The following GRIP1 variants were observed in gnomAD, a reference collection of about 807,000 sequenced individuals.
The protein encoded by GRIP1 is glutamate receptor-interacting protein 1.
In GRIP1, 45 loss-of-function variants were observed where a neutral mutation model predicts 129.9. That is an observed-to-expected ratio of 0.35 (90% confidence interval 0.27 to 0.44). GRIP1 has a LOEUF of 0.44. Among genes scored for constraint, GRIP1 ranks in the 20% least tolerant of loss-of-function variants. GRIP1 has a pLI of 1.00. For synonymous variants in GRIP1, 530 were observed against 520.8 expected, an observed-to-expected ratio of 1.02 and a Z score of -0.24; for missense variants, 1,196 against 1,396.8, an observed-to-expected ratio of 0.86 and a Z score of 2.29.
chr12:66,518,109 A>G (rs2060899085), intron 5 of GRIP1, 133 bp from the exon 6 acceptor site: 1 of 715,284 alleles, frequency 1.4e-6, no homozygotes, highest in Admixed American at 2.0e-5. Flanking sequence ...TCCTTGAGGC[A>G]TACAAAAGCC....
At position 66,655,064 on chromosome 12, in the gene GRIP1, A is replaced by G. The variant is rs566863393; in HGVS notation, c.55+23786T>C. ...CTCATCATCAAGATTTCACAAATGT[A>G]TATCTTTTGTTAAAATTGTATCAGA... On this transcript the variant is annotated intron_variant, in intron 1 of 24. Coordinates refer to ENST00000359742, the MANE Select transcript of GRIP1 (RefSeq NM_001366722.1). Among the ~76,000 whole-genome samples the G allele has an allele frequency of 1.4e-4, 21 of 152,366 alleles. No individual in the cohort carries two copies. In the East Asian group the frequency reaches 3.3e-3, roughly 24 times the overall value.
At chr12:66,895,363 G>C (rs902002625) in intron 1 of GRIP1, among the ~76,000 whole-genome samples, 2 of 152,190 alleles carry the variant, frequency 1.3e-5, no homozygotes, top group Non-Finnish European at 2.9e-5. Context: ...CTGCTGCCAT[G>C]TAAGATATGC....
chr12:66,540,041 A>G (rs1264852767), intron 3 of GRIP1, among the ~76,000 whole-genome samples: 1 of 152,182 alleles, frequency 6.6e-6, no homozygotes, highest in Non-Finnish European at 1.5e-5. Flanking sequence ...TTCCTCCTTC[A>G]AAGAGCCTCC....
chr12:66,376,074 T>TA (rs2055771348), intron 22 of GRIP1, among the ~76,000 whole-genome samples: 1 of 147,164 alleles, frequency 6.8e-6, no homozygotes, highest in African/African-American at 2.7e-5. Context: ...ATTGCTAACA[T>TA]CTTACTTCAT....
chr12:66,700,024 C>T (rs756331501), intron 1 of GRIP1, among the ~76,000 whole-genome samples: 3 of 152,150 alleles, frequency 2.0e-5, no homozygotes, highest in Non-Finnish European at 4.4e-5. Flanking sequence ...GCAGGGAGAG[C>T]TTCTCTTCTT....
chr12:66,819,081 T>C (rs2039275094), intron 1 of GRIP1, among the ~76,000 whole-genome samples: 1 of 152,242 alleles, frequency 6.6e-6, no homozygotes, highest in Non-Finnish European at 1.5e-5. Flanking sequence ...ACATTTTTGT[T>C]TCCCAGTATT....
Position 66,413,024 on chromosome 12 carries a change from C to A in GRIP1, c.1839-6596G>T, listed in dbSNP as rs566747766. ...CAGTGACAGTGGGATATTGTAACAC[C>A]CCGCTGACAATATTAGACAGATCAT... On this transcript the variant is annotated intron_variant, in intron 15 of 24. Coordinates refer to ENST00000359742, the MANE Select transcript of GRIP1 (RefSeq NM_001366722.1). Among the ~76,000 whole-genome samples, 85 of 151,968 alleles carry A rather than the reference C, an allele frequency of 5.6e-4. 1 individual carries two copies. The highest frequency in any genetic ancestry group is 9.6e-4 in the Non-Finnish European group (65 of 68,004).
upstream of GRIP1, among the ~76,000 whole-genome samples, chr12:66,807,402 G>A (rs1185283567): frequency 2.0e-5 from 3 of 151,968 alleles, no homozygotes; most frequent in African/African-American, 4.8e-5. Flanking sequence ...GGCCAGGCGC[G>A]GTGGCTCACG....
intron 1 of GRIP1, among the ~76,000 whole-genome samples, chr12:66,715,471 T>TGTGTGTGTGTGTGTGTGTGTGTGTGA (rs761155485): frequency 1.0e-3 from 113 of 110,112 alleles, no homozygotes; most frequent in South Asian, 4.3e-3. Context: ...TGTGTGTGTG[T>TGTGTGTGTGTGTGTGTGTGTGTGTGA]GAGAGAGAGA....
chr12:66,894,877 G>T (rs1261221290), intron 1 of GRIP1, among the ~76,000 whole-genome samples: 1 of 152,102 alleles, frequency 6.6e-6, no homozygotes, highest in Non-Finnish European at 1.5e-5. Context: ...CTCCTTGTAG[G>T]ACTAGAACCC....
intron 1 of GRIP1, among the ~76,000 whole-genome samples, chr12:66,723,287 T>TTC (rs1565987980): frequency 0.13 from 1,661 of 12,934 alleles, 48 homozygotes; most frequent in Non-Finnish European, 0.14. Flanking sequence ...TTCCTTCCTT[T>TTC]CTTTCTTTCT....
intron 1 of GRIP1, among the ~76,000 whole-genome samples, chr12:66,848,387 G>C (rs185447840): frequency 2.8e-4 from 43 of 152,176 alleles, no homozygotes; most frequent in African/African-American, 9.1e-4. Context: ...CAGGGCCCTA[G>C]GAATAAAACA....
At chr12:66,973,681 C>A (rs1216534976) in intron 1 of GRIP1, among the ~76,000 whole-genome samples, 1 of 152,010 alleles carries the variant, frequency 6.6e-6, no homozygotes, top group Non-Finnish European at 1.5e-5. Context: ...CCAATGCCAT[C>A]CAGTAAAAGA....
intron 1 of GRIP1, among the ~76,000 whole-genome samples, chr12:66,643,514 A>G (rs184026655): frequency 6.6e-6 from 1 of 152,286 alleles, no homozygotes; most frequent in African/African-American, 2.4e-5. Flanking sequence ...TTTGCCTAGA[A>G]AAAAGGGAAA....
At chr12:66,717,742 A>T (rs1199970046) in intron 1 of GRIP1, among the ~76,000 whole-genome samples, 2 of 152,130 alleles carry the variant, frequency 1.3e-5, no homozygotes, top group African/African-American at 4.8e-5. Context: ...TATAAATGAG[A>T]TTGCACTTCA....
intron 1 of GRIP1, among the ~76,000 whole-genome samples, chr12:66,963,376 T>G (rs887940883): frequency 1.3e-5 from 2 of 152,110 alleles, no homozygotes; most frequent in South Asian, 4.1e-4. Context: ...AGTGAACAAT[T>G]ATTGAATGCA....
At chr12:66,839,088 GA>G (rs892522962) in intron 1 of GRIP1, among the ~76,000 whole-genome samples, 33 of 151,944 alleles carry the variant, frequency 2.2e-4, no homozygotes, top group Non-Finnish European at 4.3e-4. Flanking sequence ...CTATAGCTAT[GA>G]AAAAAATTAG....
chr12:66,793,896 T>C (rs1219102338), intron 1 of GRIP1, among the ~76,000 whole-genome samples: 3 of 152,186 alleles, frequency 2.0e-5, no homozygotes, highest in Non-Finnish European at 4.4e-5. Context: ...ATAATAGTAT[T>C]AGTCTCATGG....
At chr12:66,781,507 C>T (rs1211581406) in intron 1 of GRIP1, among the ~76,000 whole-genome samples, 1 of 152,070 alleles carries the variant, frequency 6.6e-6, no homozygotes, top group African/African-American at 2.4e-5. Context: ...AAAAAAATTA[C>T]CCAAGCAAAG....
Sources: gnomAD v4.1 joint callset for allele counts (sites outside exome capture counted in the v4.1 genomes callset) on GRCh38, gnomAD v4.1.1 for gene constraint, MANE v1.5 for transcripts, NCBI Gene and HGNC (gene_info 2026-07-23, HGNC 2026-07-21) for gene names.